Variants in ARHGEF28 observed in about 807,000 individuals in gnomAD.
The protein encoded by ARHGEF28 is 190 kDa guanine nucleotide exchange factor.
A neutral mutation model predicts 206.6 loss-of-function variants in ARHGEF28; 152 were observed. The observed-to-expected ratio is 0.74, with a 90% CI of 0.64 to 0.84. ARHGEF28 has a LOEUF of 0.84. Among genes scored for constraint, ARHGEF28 ranks in the 40% least tolerant of loss-of-function variants. The pLI is 0.00. For synonymous variants in ARHGEF28, 763 were observed against 776.4 expected, an observed-to-expected ratio of 0.98 and a Z score of 0.29; for missense variants, 2,028 against 2,073.2, an observed-to-expected ratio of 0.98 and a Z score of 0.42.
At chr5:73,827,300 G>A (rs960588351) in intron 9 of ARHGEF28, among the ~76,000 whole-genome samples, 2 of 152,110 alleles carry the variant, frequency 1.3e-5, no homozygotes, top group African/African-American at 4.8e-5. Context: ...CATGCCAGTG[G>A]CCTTGGGTTG....
At position 73,858,075 on chromosome 5, in the gene ARHGEF28, C is replaced by T; in HGVS notation, c.1915-12C>T. The T allele has an allele frequency of 6.3e-7, 1 of 1,593,154 alleles. No individual in the cohort carries two copies. The highest frequency in any genetic ancestry group is 8.5e-7 in the Non-Finnish European group (1 of 1,173,646). Reference sequence around the variant, plus strand: ...TTTCCCCACTTTCCTACTGCTGCTGCTGCATCTGAAGACAAAAAGCAAGGA... The same window carrying T: ...TTTCCCCACTTTCCTACTGCTGCTGTTGCATCTGAAGACAAAAAGCAAGGA... On this transcript the variant is annotated splice_polypyrimidine_tract_variant and intron_variant, in intron 15 of 35. Transcript: ENST00000513042.
chr5:73,721,021 T>C (rs1334419942), intron 2 of ARHGEF28, among the ~76,000 whole-genome samples: 2 of 152,226 alleles, frequency 1.3e-5, no homozygotes, highest in African/African-American at 4.8e-5. Flanking sequence ...AGTTTTAAAA[T>C]AGAGGTTAGA....
At chr5:73,627,723 G>A (rs985400068) in intron 1 of ARHGEF28, among the ~76,000 whole-genome samples, 2 of 152,126 alleles carry the variant, frequency 1.3e-5, no homozygotes, top group African/African-American at 2.4e-5. Context: ...GTGATTATTG[G>A]GCTGATTAAC....
chr5:73,878,433 T>G (rs1760681665), intron 22 of ARHGEF28, among the ~76,000 whole-genome samples: 1 of 152,160 alleles, frequency 6.6e-6, no homozygotes, highest in South Asian at 2.1e-4. Context: ...CATTTAAAGT[T>G]AATACTGTTA....
chr5:73,754,634 A>T (rs905519907), intron 4 of ARHGEF28, among the ~76,000 whole-genome samples: 1 of 152,182 alleles, frequency 6.6e-6, no homozygotes, highest in Non-Finnish European at 1.5e-5. Flanking sequence ...TTTTTAATAA[A>T]GTATTTAATA....
At chr5:73,712,155 T>C (rs1037812621) in intron 2 of ARHGEF28, among the ~76,000 whole-genome samples, 1 of 152,220 alleles carries the variant, frequency 6.6e-6, no homozygotes, top group Non-Finnish European at 1.5e-5. Flanking sequence ...TGATGTATTA[T>C]CTTTTTAATG....
intron 2 of ARHGEF28, among the ~76,000 whole-genome samples, chr5:73,737,568 A>G (rs1163378001): frequency 1.4e-5 from 2 of 145,722 alleles, no homozygotes; most frequent in South Asian, 2.2e-4. Flanking sequence ...CTGGAGTGCA[A>G]TGGTGTGATC....
chr5:73,686,247 C>T (rs1747461143), intron 2 of ARHGEF28, among the ~76,000 whole-genome samples: 1 of 152,096 alleles, frequency 6.6e-6, no homozygotes, highest in South Asian at 2.1e-4. Context: ...TTGTAAAGTA[C>T]TCCCAAATCT....
intron 31 of ARHGEF28, chr5:73,902,104 T>C (rs1762303905): frequency 6.6e-6 from 1 of 152,142 alleles, no homozygotes; most frequent in Non-Finnish European, 1.5e-5. Flanking sequence ...ATATACAACA[T>C]ATTTTACATA....
At chr5:73,810,794 C>G (rs2112517510) in intron 9 of ARHGEF28, among the ~76,000 whole-genome samples, 1 of 152,322 alleles carries the variant, frequency 6.6e-6, no homozygotes, top group African/African-American at 2.4e-5. Context: ...TCTGCTTTCT[C>G]TACATTTGTA....
At chr5:73,925,604 A>T (rs993808921) in intron 35 of ARHGEF28, among the ~76,000 whole-genome samples, 1 of 152,182 alleles carries the variant, frequency 6.6e-6, no homozygotes, top group African/African-American at 2.4e-5. Context: ...GAAAGTTCCC[A>T]TATGCCCCTT....
At chr5:73,773,789 A>T in intron 4 of ARHGEF28, 66 bp from the exon 5 acceptor site, 1 of 1,407,210 alleles carries the variant, frequency 7.1e-7, no homozygotes, top group African/African-American at 1.4e-5. Flanking sequence ...TGTCCCTTTG[A>T]TAAAATGTGT....
chr5:73,685,872 C>T (rs193037939), intron 2 of ARHGEF28, among the ~76,000 whole-genome samples: 18 of 152,272 alleles, frequency 1.2e-4, no homozygotes, highest in Non-Finnish European at 2.5e-4. Flanking sequence ...CCGAATGCCT[C>T]GGCCTCCCAA....
chr5:73,886,431 C>T (rs1172721080), intron 25 of ARHGEF28, among the ~76,000 whole-genome samples: 2 of 152,194 alleles, frequency 1.3e-5, no homozygotes, highest in Non-Finnish European at 2.9e-5. Context: ...GAAAGCAAGG[C>T]AGTACACCTA....
intron 34 of ARHGEF28, among the ~76,000 whole-genome samples, chr5:73,911,064 G>A (rs1762872614): frequency 6.6e-6 from 1 of 152,032 alleles, no homozygotes; most frequent in Non-Finnish European, 1.5e-5. Flanking sequence ...TTTTGTTGTT[G>A]TTGTTAAAGA....
intron 8 of ARHGEF28, 129 bp from the exon 9 acceptor site, chr5:73,795,202 A>T: frequency 1.3e-6 from 1 of 772,944 alleles, no homozygotes; most frequent in East Asian, 2.5e-5. Flanking sequence ...TTTTCTGTTT[A>T]CATGTGATGA....
At chr5:73,744,072 A>C (rs938761658) in intron 2 of ARHGEF28, among the ~76,000 whole-genome samples, 2 of 152,152 alleles carry the variant, frequency 1.3e-5, no homozygotes, top group African/African-American at 4.8e-5. Flanking sequence ...TGTGGGAATA[A>C]GACAAGAAAA....
At position 73,901,166 on chromosome 5, in the gene ARHGEF28, T is replaced by C; in HGVS notation, c.3974-18T>C. 2 of 1,608,006 alleles carry C rather than the reference T, an allele frequency of 1.2e-6. No homozygotes were observed. The highest frequency in any genetic ancestry group is 8.5e-7 in the Non-Finnish European group (1 of 1,176,746). ...TGACGCTGTCCTTTTTGTTTCTGTC[T>C]CGATGGCGTGCTTCCAGCATTAGTC... On this transcript the variant is annotated intron_variant, in intron 30 of 35. Transcript: ENST00000513042.
intron 29 of ARHGEF28, among the ~76,000 whole-genome samples, chr5:73,895,679 G>C (rs927362833): frequency 6.6e-6 from 1 of 152,136 alleles, no homozygotes; most frequent in South Asian, 2.1e-4. Flanking sequence ...ACCTGCTTTC[G>C]TAAGTTTAGT....
Sources: gnomAD v4.1 joint callset for allele counts (sites outside exome capture counted in the v4.1 genomes callset) on GRCh38, gnomAD v4.1.1 for gene constraint, MANE v1.5 for transcripts, NCBI Gene and HGNC (gene_info 2026-07-23, HGNC 2026-07-21) for gene names.